Variants in CST3 observed in about 807,000 individuals in gnomAD.
The protein encoded by CST3 is cystatin-C.
Under a neutral mutation model 9.0 loss-of-function variants are expected in CST3, and 14 were observed. The ratio of observed to expected loss-of-function variants is 1.56; its 90% confidence interval spans 1.03 to 2.44. The LOEUF (loss-of-function observed/expected upper bound fraction) is 2.44, where lower values mean the gene tolerates loss of function less well. Among genes scored for constraint, CST3 ranks in the 30% most tolerant of loss-of-function variants. The probability of loss-of-function intolerance (pLI) is 0.00; values close to 1 mark genes in which losing one functional copy is unlikely to be tolerated. For synonymous variants in CST3, 96 were observed against 90.2 expected (o/e 1.06, Z -0.37); for missense variants, 237 against 204.3 (o/e 1.16, Z -0.98).
chr20:23,634,956 G>A (rs549088657), intron 2 of CST3, among the ~76,000 whole-genome samples: 1 of 151,502 alleles, frequency 6.6e-6, no homozygotes, highest in East Asian at 2.0e-4. Flanking sequence ...CCCCATGTAT[G>A]TGAATGTATG....
chr20:23,635,505 C>T (rs1170302470), intron 1 of CST3, 138 bp from the exon 2 acceptor site: 1 of 752,636 alleles, frequency 1.3e-6, no homozygotes, highest in South Asian at 1.6e-5. Context: ...ACATTGTCAC[C>T]TGCAAGGCAC....
chr20:23,633,313 CCT>C (rs797005599), downstream of CST3, among the ~76,000 whole-genome samples: 25 of 152,274 alleles, frequency 1.6e-4, no homozygotes, highest in African/African-American at 5.5e-4. Flanking sequence ...AGGCCTGGCC[CCT>C]GTCTATGGAC....
At position 23,637,700 on chromosome 20, in the gene CST3, A is replaced by G. The variant is rs754673481; in HGVS notation, c.163T>C (p.Phe55Leu). The G allele has an allele frequency of 1.3e-6, 2 of 1,543,714 alleles. No homozygotes were observed. The highest frequency in any genetic ancestry group is 1.7e-6 in the Non-Finnish European group (2 of 1,145,524). ...GCTTTGTTGTACTCGCCGACGGCAA[A>G]GTCCAGTGCACGCCGCACACCCTCC... is the stretch of plus-strand genomic sequence containing the variant. ...EEEGVRRALD[F>L]AVGEYNKASN... The change falls in exon 1 of 3, where the codon TTT becomes CTT. Residue 55 changes from phenylalanine to leucine, a missense_variant. Phe to Leu is a conservative substitution (Grantham distance 22). Transcript: ENST00000376925.
chr20:23,629,565 T>C (rs1263939510), downstream of CST3: 5 of 152,196 alleles, frequency 3.3e-5, no homozygotes, highest in Non-Finnish European at 7.3e-5. Flanking sequence ...GGAAGGCCTT[T>C]GGTTTATAAG....
rs2122475864 is a variant in CST3, at chr20:23,635,467, G to T, written c.244-100C>A. On this transcript the variant is annotated intron_variant, in intron 1 of 2. Coordinates refer to ENST00000376925, the MANE Select transcript of CST3 (RefSeq NM_000099.4). Reference sequence around the variant, plus strand: ...GACCGGGTCACTGGGCTTGCCTGGGGCTTCAAGCCTACCTTCATGAGCTGC... The same window carrying T: ...GACCGGGTCACTGGGCTTGCCTGGGTCTTCAAGCCTACCTTCATGAGCTGC... The T allele has an allele frequency of 3.9e-6, 4 of 1,022,766 alleles. No individual in the cohort carries two copies. In the East Asian group the frequency reaches 7.8e-5, roughly 20 times the overall value. 63.4% of individuals were successfully genotyped at this position (1,022,766 alleles called of 1,614,324 possible). A position where few individuals can be genotyped will look rare whatever the true frequency, so the allele number is the denominator to read the frequency against.
intron 1 of CST3, among the ~76,000 whole-genome samples, chr20:23,635,822 TC>T (rs777180121): frequency 2.6e-5 from 4 of 152,208 alleles, no homozygotes; most frequent in Non-Finnish European, 5.9e-5. Context: ...AAACATTGCT[TC>T]CCACGTGCTT....
intron 1 of CST3, 107 bp downstream of exon 1, chr20:23,637,513 G>T: frequency 2.6e-6 from 3 of 1,136,774 alleles, no homozygotes; most frequent in Non-Finnish European, 3.5e-6. Flanking sequence ...GGGTCCGGGT[G>T]AGAAGCCCAG....
downstream of CST3, among the ~76,000 whole-genome samples, chr20:23,632,832 G>A (rs1323538158): frequency 2.0e-5 from 3 of 152,184 alleles, no homozygotes; most frequent in Admixed American, 2.0e-4. Flanking sequence ...TCCTGCTTGT[G>A]GCACAAAGAT....
At chr20:23,635,122 T>C (rs778540430) in intron 2 of CST3, 132 bp downstream of exon 2, 14 of 803,430 alleles carry the variant, frequency 1.7e-5, no homozygotes, top group Admixed American at 1.2e-4. Flanking sequence ...GAAACACATA[T>C]GCATCTCCAC....
chr20:23,633,113 G>A (rs2424577), downstream of CST3, among the ~76,000 whole-genome samples: 82,158 of 151,988 alleles, frequency 0.54, 23,545 homozygotes, highest in East Asian at 0.66. Flanking sequence ...TCTGGCTGGC[G>A]TTTCTCCTGC....
At chr20:23,629,980 C>T (rs544635987), downstream of CST3, among the ~76,000 whole-genome samples, 14 of 152,312 alleles carry the variant, frequency 9.2e-5, no homozygotes, top group South Asian at 2.1e-3. Flanking sequence ...TCAAGGGCTA[C>T]ACGTTTGCAG....
chr20:23,633,861 G>A lies in CST3; in HGVS notation c.*55C>T, dbSNP rs555367302. On this transcript the variant is annotated 3_prime_UTR_variant, in exon 3 of 3. Coordinates refer to ENST00000376925, the MANE Select transcript of CST3 (RefSeq NM_000099.4). ...CACCAGTCCAGGGGTGGGAATACAG[G>A]GGGTGGGAGGTGTGCATAAGAGGTG... is the stretch of plus-strand genomic sequence containing the variant. 3 of 1,443,792 alleles carry A rather than the reference G, an allele frequency of 2.1e-6. No homozygotes were observed. The highest frequency in any genetic ancestry group is 1.1e-5 in the South Asian group (1 of 87,688). The allele number at this position is 1,443,792 out of a possible 1,614,324, so 89.4% of individuals were successfully genotyped here. A position where few individuals can be genotyped will look rare whatever the true frequency, so the allele number is the denominator to read the frequency against.
intron 1 of CST3, among the ~76,000 whole-genome samples, chr20:23,637,059 G>T (rs1208243451): frequency 1.3e-5 from 2 of 152,166 alleles, no homozygotes; most frequent in Non-Finnish European, 2.9e-5. Flanking sequence ...GAGCTGGGGG[G>T]AACAAACAGG....
exon 4 of CST3, chr20:23,626,902 G>A (rs963785875): frequency 5.3e-5 from 8 of 152,142 alleles, no homozygotes; most frequent in African/African-American, 1.7e-4. Context: ...TTGTGGTGTT[G>A]TTTAATTTTG....
At chr20:23,631,378 G>C (rs1230517172), downstream of CST3, among the ~76,000 whole-genome samples, 1 of 152,138 alleles carries the variant, frequency 6.6e-6, no homozygotes, top group Non-Finnish European at 1.5e-5. Flanking sequence ...GCTGTTTACT[G>C]TAAATCCAGC....
rs537755579 is a variant in CST3, at chr20:23,637,908, G to T, written c.-46C>A. On this transcript the variant is annotated 5_prime_UTR_variant, in exon 1 of 3. Coordinates refer to ENST00000376925, the MANE Select transcript of CST3 (RefSeq NM_000099.4). ...GCGGGGAGTGGGGCGCAGGCGAGAG[G>T]CTGGAGCTAGATAGAGAGGACCCGC... 158 of 1,374,802 alleles carry T rather than the reference G, an allele frequency of 1.1e-4. No individual in the cohort carries two copies. In the South Asian group the frequency reaches 2.1e-3, roughly 18 times the overall value. The allele number at this position is 1,374,802 out of a possible 1,614,324, so 85.2% of individuals were successfully genotyped here.
downstream of CST3, chr20:23,628,810 C>T (rs1024625758): frequency 6.6e-6 from 1 of 152,180 alleles, no homozygotes; most frequent in Non-Finnish European, 1.5e-5. Context: ...CTCATTGCAG[C>T]CTCAAACTGC....
Position 23,633,869 on chromosome 20 carries a change from AGG to A in CST3, c.*45_*46del, listed in dbSNP as rs760055632. 1.4e-6 allele frequency: 2 copies of A among 1,471,504 alleles called. No individual in the cohort carries two copies. Among genetic ancestry groups the A allele is most frequent in the Non-Finnish European group, 1.9e-6 (2 of 1,050,628 alleles). 91.2% of individuals were successfully genotyped at this position (1,471,504 alleles called of 1,614,324 possible). A position where few individuals can be genotyped will look rare whatever the true frequency, so the allele number is the denominator to read the frequency against. On this transcript the variant is annotated 3_prime_UTR_variant, in exon 3 of 3. Coordinates refer to ENST00000376925, the MANE Select transcript of CST3 (RefSeq NM_000099.4). ...CAGGGGTGGGAATACAGGGGGTGGG[AGG>A]TGTGCATAAGAGGTGATAGGCACAG...
chr20:23,630,919 G>A (rs1171960577), downstream of CST3, among the ~76,000 whole-genome samples: 1 of 152,120 alleles, frequency 6.6e-6, no homozygotes, highest in Non-Finnish European at 1.5e-5. Flanking sequence ...TATGAAAGAT[G>A]CATAAAATTT....
Sources: gnomAD v4.1 joint callset for allele counts (sites outside exome capture counted in the v4.1 genomes callset) on GRCh38, gnomAD v4.1.1 for gene constraint, MANE v1.5 for transcripts, NCBI Gene and HGNC (gene_info 2026-07-23, HGNC 2026-07-21) for gene names.